The following NRXN3 variants were observed in gnomAD, a reference collection of about 807,000 sequenced individuals.
NRXN3 encodes the protein neurexin III.
In NRXN3, 32 loss-of-function variants were observed where a neutral mutation model predicts 137.6. That is an observed-to-expected ratio of 0.23 (90% CI 0.18 to 0.31). The LOEUF is 0.31. Among genes scored for constraint, NRXN3 ranks in the 10% least tolerant of loss-of-function variants. NRXN3 has a pLI of 1.00. For synonymous variants in NRXN3, 798 were observed against 784.5 expected (o/e 1.02, Z -0.29); for missense variants, 1,574 against 2,062.5 (o/e 0.76, Z 4.59).
intron 2 of NRXN3, among the ~76,000 whole-genome samples, chr14:78,256,311 A>T (rs1214279566): frequency 6.6e-6 from 1 of 152,230 alleles, no homozygotes; most frequent in Non-Finnish European, 1.5e-5. Context: ...AAGGAGGATG[A>T]TGATACACTG....
intron 4 of NRXN3, among the ~76,000 whole-genome samples, chr14:78,381,629 A>G (rs956886871): frequency 2.6e-5 from 4 of 152,232 alleles, no homozygotes; most frequent in African/African-American, 4.8e-5. Context: ...ATCCTATACA[A>G]GAATGTCTAT....
intron 16 of NRXN3, among the ~76,000 whole-genome samples, chr14:79,528,024 G>C (rs185015037): frequency 7.2e-5 from 11 of 152,078 alleles, no homozygotes; most frequent in Non-Finnish European, 1.6e-4. Context: ...AATTGCTATA[G>C]TCTCCCTAGT....
intron 1 of NRXN3, among the ~76,000 whole-genome samples, chr14:78,214,877 C>T (rs563390135): frequency 3.7e-4 from 56 of 152,228 alleles, no homozygotes; most frequent in African/African-American, 1.3e-3. Flanking sequence ...TGCGTGGTCA[C>T]GGAGCATGAG....
At chr14:78,689,823 T>C (rs2098154882) in intron 6 of NRXN3, among the ~76,000 whole-genome samples, 1 of 151,656 alleles carries the variant, frequency 6.6e-6, no homozygotes, top group Non-Finnish European at 1.5e-5. Context: ...TCTCACTCTC[T>C]TTCTCTCTCT....
intron 10 of NRXN3, among the ~76,000 whole-genome samples, chr14:78,840,128 G>T (rs769952686): frequency 2.0e-5 from 3 of 152,166 alleles, no homozygotes; most frequent in Non-Finnish European, 4.4e-5. Flanking sequence ...TCTTCTGAGA[G>T]AACTATTTGA....
At chr14:78,190,453 C>T (rs1401987834) in intron 1 of NRXN3, among the ~76,000 whole-genome samples, 1 of 152,156 alleles carries the variant, frequency 6.6e-6, no homozygotes, top group Non-Finnish European at 1.5e-5. Context: ...AGGCTTTCCT[C>T]TAAGTCACAG....
chr14:78,781,594 A>G lies in NRXN3; in HGVS notation c.2045-22026A>G, dbSNP rs576400231. 1.1e-4 allele frequency among the ~76,000 whole-genome samples: 16 copies of G among 152,320 alleles called. No homozygotes were observed. The South Asian group carries it at 3.1e-3, about 30-fold the overall frequency. ...TGAAAATGTATGACTCAACCAAATT[A>G]TATATGACCGCATAGCATGACATTC... On this transcript the variant is annotated intron_variant, in intron 8 of 20. Transcript: ENST00000335750.
At chr14:78,395,735 G>C (rs1038656310) in intron 4 of NRXN3, among the ~76,000 whole-genome samples, 1 of 151,864 alleles carries the variant, frequency 6.6e-6, no homozygotes, top group South Asian at 2.1e-4. Context: ...ATCATTATAT[G>C]TTAATCCTCC....
chr14:79,461,699 A>C (rs2153604261), intron 15 of NRXN3, among the ~76,000 whole-genome samples: 1 of 152,358 alleles, frequency 6.6e-6, no homozygotes, highest in South Asian at 2.1e-4. Flanking sequence ...AGATAGGTTT[A>C]ATTTGATAGC....
At chr14:78,957,099 A>G (rs1053142678) in intron 10 of NRXN3, 143 bp from the exon 11 acceptor site, 3 of 789,044 alleles carry the variant, frequency 3.8e-6, no homozygotes, top group South Asian at 3.8e-5. Context: ...CCACTGGATC[A>G]GTAAAATTCG....
At chr14:79,447,455 AC>A (rs2096080769) in intron 15 of NRXN3, among the ~76,000 whole-genome samples, 1 of 152,206 alleles carries the variant, frequency 6.6e-6, no homozygotes, top group Non-Finnish European at 1.5e-5. Flanking sequence ...AACAAAAATG[AC>A]CTTTTATTAG....
chr14:78,388,834 ATTTAAC>A (rs747395086), intron 4 of NRXN3, among the ~76,000 whole-genome samples: 5 of 152,126 alleles, frequency 3.3e-5, no homozygotes, highest in Non-Finnish European at 5.9e-5. Flanking sequence ...TTTTTGGAGA[ATTTAAC>A]TTTAATGGTT....
chr14:78,794,937 CAAA>C (rs59817830), intron 8 of NRXN3, among the ~76,000 whole-genome samples: 3 of 142,442 alleles, frequency 2.1e-5, no homozygotes, highest in Admixed American at 1.4e-4. Flanking sequence ...AACAAACAAA[CAAA>C]AAAAAAAGTA....
At chr14:78,884,140 A>C (rs757801926) in intron 10 of NRXN3, among the ~76,000 whole-genome samples, 4 of 152,138 alleles carry the variant, frequency 2.6e-5, no homozygotes, top group Admixed American at 6.5e-5. Flanking sequence ...ATGGTTTCTA[A>C]TTGCTCTTAA....
intron 19 of NRXN3, among the ~76,000 whole-genome samples, chr14:79,781,830 G>A (rs915382683): frequency 2.0e-5 from 3 of 152,302 alleles, no homozygotes; most frequent in East Asian, 3.9e-4. Context: ...TTTTACTGGG[G>A]CTACTTATCA....
At chr14:79,187,746 G>A (rs975963988) in intron 15 of NRXN3, among the ~76,000 whole-genome samples, 2 of 152,272 alleles carry the variant, frequency 1.3e-5, no homozygotes, top group African/African-American at 4.8e-5. Flanking sequence ...TAGATTTTAC[G>A]GGTGATTACA....
At chr14:78,588,319 A>G (rs1338416859) in intron 4 of NRXN3, among the ~76,000 whole-genome samples, 1 of 152,228 alleles carries the variant, frequency 6.6e-6, no homozygotes, top group African/African-American at 2.4e-5. Flanking sequence ...CTTTGCATAT[A>G]TTGTTGACAT....
At chr14:78,242,081 C>T (rs1183149427) in intron 1 of NRXN3, among the ~76,000 whole-genome samples, 1 of 152,156 alleles carries the variant, frequency 6.6e-6, no homozygotes, top group African/African-American at 2.4e-5. Flanking sequence ...TAGCACTTAT[C>T]TTAAAAATAC....
intron 10 of NRXN3, among the ~76,000 whole-genome samples, chr14:78,861,442 C>T (rs1161441220): frequency 6.6e-6 from 1 of 152,090 alleles, no homozygotes; most frequent in Non-Finnish European, 1.5e-5. Flanking sequence ...TGTTGAATTT[C>T]CTTGAAAAAT....
Sources: allele counts gnomAD v4.1 joint callset (sites outside exome capture counted in the v4.1 genomes callset), GRCh38; gene constraint gnomAD v4.1.1; transcripts MANE v1.5; gene names NCBI Gene and HGNC (gene_info 2026-07-23, HGNC 2026-07-21).